The following SRPX variants were observed in gnomAD, a reference collection of about 807,000 sequenced individuals.
The protein encoded by SRPX is sushi repeat containing protein X-linked, also known as sushi repeat-containing protein SRPX.
A neutral mutation model predicts 38.1 loss-of-function variants in SRPX; 24 were observed. The observed-to-expected ratio is 0.63, with a 90% CI of 0.46 to 0.89. The LOEUF (loss-of-function observed/expected upper bound fraction) is 0.89. SRPX is among the 40% of genes least tolerant of loss of function. SRPX has a pLI of 0.00. For missense variants in SRPX, 416 were observed against 377.8 expected (o/e 1.10, Z -0.84); for synonymous variants, 184 against 153.8 (o/e 1.20, Z -1.45).
intron 1 of SRPX, among the ~76,000 whole-genome samples, chrX:38,219,585 G>A (rs1187345146): frequency 1.1e-5 from 1 of 94,403 alleles, no homozygotes; most frequent in Non-Finnish European, 2.2e-5. Flanking sequence ...TTACAAATTT[G>A]TTCTATTCAT....
intron 1 of SRPX, among the ~76,000 whole-genome samples, chrX:38,212,972 T>C (rs1601875073): frequency 1.8e-5 from 2 of 112,262 alleles, no homozygotes; most frequent in South Asian, 7.5e-4. Flanking sequence ...CTTTTTCTAA[T>C]TCACCCAAAG....
chrX:38,160,304 T>A, intron 6 of SRPX, 108 bp from the exon 7 acceptor site: 1 of 791,697 alleles, frequency 1.3e-6, no homozygotes, highest in South Asian at 2.6e-5. Context: ...GGCTTCTACA[T>A]CAGCCTGTGA....
At chrX:38,176,411 CACTT>C (rs749787909) in intron 2 of SRPX, among the ~76,000 whole-genome samples, 28 of 112,152 alleles carry the variant, frequency 2.5e-4, no homozygotes, top group African/African-American at 8.7e-4. Flanking sequence ...AATTCAAAAA[CACTT>C]ACTCTGTGCT....
chrX:38,179,297 A>G (rs1938625434), intron 1 of SRPX, among the ~76,000 whole-genome samples: 1 of 112,288 alleles, frequency 8.9e-6, no homozygotes, highest in African/African-American at 3.2e-5. Flanking sequence ...GGCCTCAGAG[A>G]GAACGTCTGT....
Position 38,203,321 on chromosome X carries a change from T to C in SRPX, c.97+17375A>G, listed in dbSNP as rs181320591. Among the ~76,000 whole-genome samples the C allele has an allele frequency of 1.1e-4, 12 of 112,124 alleles. No individual in the cohort carries two copies. In the East Asian group the frequency reaches 3.1e-3, roughly 29 times the overall value. ...AAGGGGATCTACAGAAAGCCCACAA[T>C]TAACATTATACTTTACGATGAAAGA... On this transcript the variant is annotated intron_variant, in intron 1 of 9. Transcript: ENST00000378533.
At chrX:38,174,043 C>G (rs1000740289) in intron 3 of SRPX, 117 bp downstream of exon 3, 1 of 559,413 alleles carries the variant, frequency 1.8e-6, no homozygotes. Context: ...CCTGGTGTCC[C>G]CCTGATCATA....
In SRPX at chrX:38,160,067, C is replaced by T. The variant is rs751193843; in HGVS notation, c.905G>A (p.Arg302Gln). Reference sequence around the variant, plus strand: ...CCAAGCCAGGTTGGATTGACATACTCGGGCAGGGCTACCCTGGAGCTCATA... The same window carrying T: ...CCAAGCCAGGTTGGATTGACATACTTGGGCAGGGCTACCCTGGAGCTCATA... ...GGYELQGSPA[R>Q]VCQSNLAWSG... The change falls in exon 7 of 10, where the codon CGA becomes CAA. Residue 302 changes from arginine to glutamine, a missense_variant. By Grantham distance (43) the Arg-to-Gln change is conservative. Coordinates refer to ENST00000378533, the MANE Select transcript of SRPX (RefSeq NM_006307.5). 1.4e-5 allele frequency: 17 copies of T among 1,211,226 alleles called. No individual in the cohort carries two copies. Among genetic ancestry groups the T allele is most frequent in the Admixed American group, 8.7e-5 (4 of 46,028 alleles).
At position 38,220,828 on chromosome X, in the gene SRPX, C is replaced by A; in HGVS notation, c.-36G>T. On this transcript the variant is annotated 5_prime_UTR_variant, in exon 1 of 10. Transcript: ENST00000378533. The stretch of plus-strand genomic sequence containing the variant: ...CGCTTAGCTCGCCTCGGCAGCGCAG[C>A]GCGCTTCCCGGGGGCGGCAGGAGAC... The A allele has an allele frequency of 4.7e-6, 5 of 1,064,973 alleles. No individual in the cohort carries two copies. The highest frequency in any genetic ancestry group is 6.0e-6 in the Non-Finnish European group (5 of 832,874). 87.8% of individuals were successfully genotyped at this position (1,064,973 alleles called of 1,213,427 possible). A position where few individuals can be genotyped will look rare whatever the true frequency, so the allele number is the denominator to read the frequency against.
At position 38,149,584 on chromosome X, in the gene SRPX, C is replaced by A; in HGVS notation, c.*127G>T. ...TGCTAATTTTTAAGTGCAAAGAAAG[C>A]TCATAATAAAATAGACTTTTAAAAT... On this transcript the variant is annotated 3_prime_UTR_variant, in exon 10 of 10. Coordinates refer to ENST00000378533, the MANE Select transcript of SRPX (RefSeq NM_006307.5). 2 of 687,765 alleles carry A rather than the reference C, an allele frequency of 2.9e-6. No individual in the cohort carries two copies. Among genetic ancestry groups the A allele is most frequent in the South Asian group, 1.1e-4 (2 of 19,027 alleles). 56.7% of individuals were successfully genotyped at this position (687,765 alleles called of 1,213,427 possible).
chrX:38,151,167 C>G (rs1938003912), intron 9 of SRPX, among the ~76,000 whole-genome samples: 1 of 112,206 alleles, frequency 8.9e-6, no homozygotes, highest in Non-Finnish European at 1.9e-5. Flanking sequence ...TGCCAGTTCA[C>G]TCCCAGTGAC....
chrX:38,166,673 C>T (rs185435047), intron 4 of SRPX, among the ~76,000 whole-genome samples: 59 of 111,535 alleles, frequency 5.3e-4, no homozygotes, highest in South Asian at 4.2e-3. Context: ...TAATGACTGC[C>T]CCCTGCTGGT....
chrX:38,177,270 A>C (rs1311575940), intron 2 of SRPX, among the ~76,000 whole-genome samples: 1 of 111,646 alleles, frequency 9.0e-6, no homozygotes, highest in Non-Finnish European at 1.9e-5. Flanking sequence ...GATAGAAACT[A>C]TAGGTAGGAA....
chrX:38,202,699 T>G, intron 1 of SRPX, among the ~76,000 whole-genome samples: 1 of 112,168 alleles, frequency 8.9e-6, no homozygotes. Context: ...CAGCAGATAC[T>G]GTGTATAACT....
At chrX:38,217,850 G>A (rs1180288893) in intron 1 of SRPX, among the ~76,000 whole-genome samples, 2 of 112,170 alleles carry the variant, frequency 1.8e-5, no homozygotes, top group Non-Finnish European at 3.8e-5. Context: ...TCTGCGAAAT[G>A]AGTAGTAACT....
intron 1 of SRPX, among the ~76,000 whole-genome samples, chrX:38,197,882 G>C (rs1249075049): frequency 1.8e-5 from 2 of 111,772 alleles, no homozygotes; most frequent in Non-Finnish European, 3.8e-5. Flanking sequence ...TTTTAGCCCA[G>C]TGTGAGGCAG....
intron 1 of SRPX, among the ~76,000 whole-genome samples, chrX:38,204,962 A>AT (rs1214275177): frequency 4.5e-5 from 5 of 111,737 alleles, no homozygotes; most frequent in Non-Finnish European, 1.9e-5. Flanking sequence ...GCAGTGGGAG[A>AT]TTTTTTTAGG....
chrX:38,178,292 T>A lies in SRPX; in HGVS notation c.150A>T (p.Arg50Ser). The A allele has an allele frequency of 8.3e-7, 1 of 1,208,971 alleles. No homozygotes were observed. Among genetic ancestry groups the A allele is most frequent in the Non-Finnish European group, 1.1e-6 (1 of 893,381 alleles). The change falls in exon 2 of 10, where the codon AGA becomes AGT. Residue 50 changes from arginine (R) to serine (S), a missense_variant. Transcript: ENST00000378533. ...EDDEVGYSHP[R>S]YKDTPWCSPI... ...CATAAGCAAAGCATTCACCTTTATATCTAGGGTGTGAATACCCGACTTCAT... is the reference window on the plus strand; with the variant it reads ...CATAAGCAAAGCATTCACCTTTATAACTAGGGTGTGAATACCCGACTTCAT...
At chrX:38,174,118 C>G (rs1488863356) in intron 3 of SRPX, 42 bp downstream of exon 3, 1 of 978,629 alleles carries the variant, frequency 1.0e-6, no homozygotes, top group East Asian at 3.7e-5. Context: ...AACTTTGGCT[C>G]TGGTCATCCC....
At chrX:38,183,873 C>T (rs781528913) in intron 1 of SRPX, among the ~76,000 whole-genome samples, 64 of 111,781 alleles carry the variant, frequency 5.7e-4, no homozygotes, top group African/African-American at 2.0e-3. Flanking sequence ...TGTCTCTCAG[C>T]CATACCTGGA....
Sources: allele counts gnomAD v4.1 joint callset (sites outside exome capture counted in the v4.1 genomes callset), GRCh38; gene constraint gnomAD v4.1.1; transcripts MANE v1.5; gene names NCBI Gene and HGNC (gene_info 2026-07-23, HGNC 2026-07-21).